The following NPY2R variants were observed in gnomAD, a reference collection of about 807,000 sequenced individuals.
The protein encoded by NPY2R is neuropeptide Y receptor Y2.
Under a neutral mutation model 22.3 loss-of-function variants are expected in NPY2R, and 17 were observed. The observed-to-expected ratio is 0.76, with a 90% CI of 0.52 to 1.14. NPY2R has a LOEUF of 1.14. Ranked by LOEUF, NPY2R falls within the 50% of genes most tolerant of loss-of-function variation. The pLI, the probability that NPY2R is intolerant of heterozygous loss-of-function variation, is 0.00. For synonymous variants in NPY2R, 209 were observed against 183.4 expected (o/e 1.14, Z -1.13); for missense variants, 424 against 467.9 (o/e 0.91, Z 0.87).
chr4:155,208,523 G>T (rs922601762), upstream of NPY2R: 1 of 152,614 alleles, frequency 6.6e-6, no homozygotes, highest in East Asian at 2.0e-4. This position sits in a 1 kb window ranked among gnomAD's most constrained non-coding sequence, Gnocchi z 5.6. Flanking sequence ...ATCAAACTTG[G>T]GGGTGGCACA....
In NPY2R at chr4:155,208,662, C is replaced by T. The variant is rs1729333082; in HGVS notation, c.-456C>T. The T allele has an allele frequency of 6.5e-6, 1 of 152,850 alleles. No homozygotes were observed. The allele number at this position is 152,850 out of a possible 1,614,324, so 9.5% of individuals were successfully genotyped here. On this transcript the variant is annotated 5_prime_UTR_variant, in exon 1 of 2. Coordinates refer to ENST00000329476, the MANE Select transcript of NPY2R (RefSeq NM_000910.4). This position sits in a 1 kb window ranked among gnomAD's most constrained non-coding sequence, Gnocchi z 5.6. ...AGAGACCCTGGACACTGTTCCTGCT[C>T]CCTCGCCACCAAAACTTCTCCTCCA...
At chr4:155,181,775 A>G in the NPY2R span, among the ~76,000 whole-genome samples, 1 of 152,176 alleles carries the variant, frequency 6.6e-6, no homozygotes, top group Non-Finnish European at 1.5e-5. Context: ...TACCCAGTTT[A>G]TGGCATTTTG....
the NPY2R span, among the ~76,000 whole-genome samples, chr4:155,202,246 G>A: frequency 6.6e-6 from 1 of 152,086 alleles, no homozygotes; most frequent in African/African-American, 2.4e-5. Flanking sequence ...CCTCCATAAA[G>A]CATTTCTCTA....
At chr4:155,190,029 C>G in the NPY2R span, among the ~76,000 whole-genome samples, 1 of 151,952 alleles carries the variant, frequency 6.6e-6, no homozygotes, top group Non-Finnish European at 1.5e-5. Context: ...TACATCAGGG[C>G]TAATGCTTAG....
the NPY2R span, among the ~76,000 whole-genome samples, chr4:155,180,117 G>A: frequency 1.4e-5 from 2 of 147,290 alleles, no homozygotes; most frequent in Admixed American, 6.9e-5. Flanking sequence ...ATGGGGTCTT[G>A]CCATGTTGTC....
At chr4:155,177,767 C>T in the NPY2R span, among the ~76,000 whole-genome samples, 1 of 152,096 alleles carries the variant, frequency 6.6e-6, no homozygotes. Flanking sequence ...AGAGTTAGCA[C>T]CACATGTATG....
At chr4:155,187,504 C>G in the NPY2R span, among the ~76,000 whole-genome samples, 1 of 151,856 alleles carries the variant, frequency 6.6e-6, no homozygotes, top group East Asian at 1.9e-4. Context: ...GATATAAAAC[C>G]TAGAGAAGTG....
At chr4:155,188,847 G>A in the NPY2R span, among the ~76,000 whole-genome samples, 4 of 152,110 alleles carry the variant, frequency 2.6e-5, no homozygotes, top group African/African-American at 7.2e-5. Flanking sequence ...GAGATATCCT[G>A]AAGTAGAAGA....
chr4:155,211,369 C>T (rs906473134), intron 1 of NPY2R, among the ~76,000 whole-genome samples: 4 of 151,822 alleles, frequency 2.6e-5, no homozygotes, highest in Non-Finnish European at 5.9e-5. Context: ...CAGTTTAAAA[C>T]GGGGAGGGCA....
upstream of NPY2R, among the ~76,000 whole-genome samples, chr4:155,206,292 T>C (rs1729283358): frequency 1.3e-5 from 2 of 152,238 alleles, no homozygotes; most frequent in South Asian, 4.1e-4. Context: ...CTATTTCAAT[T>C]TGGATTAATC....
chr4:155,212,161 G>T (rs1020461219), intron 1 of NPY2R, among the ~76,000 whole-genome samples: 1 of 152,142 alleles, frequency 6.6e-6, no homozygotes, highest in South Asian at 2.1e-4. Context: ...GGTGTTAGAT[G>T]CTATTAATTA....
At chr4:155,209,602 C>A (rs1254148984) in intron 1 of NPY2R, among the ~76,000 whole-genome samples, 1 of 152,132 alleles carries the variant, frequency 6.6e-6, no homozygotes, top group Non-Finnish European at 1.5e-5. Flanking sequence ...CTTCCCACAC[C>A]CTTTGGTGAA....
chr4:155,189,230 G>T, the NPY2R span, among the ~76,000 whole-genome samples: 2 of 151,902 alleles, frequency 1.3e-5, no homozygotes, highest in Non-Finnish European at 2.9e-5. Flanking sequence ...AATGCAACTA[G>T]CTGGCCTGGA....
the NPY2R span, among the ~76,000 whole-genome samples, chr4:155,197,125 A>G: frequency 1.3e-5 from 2 of 151,968 alleles, no homozygotes; most frequent in East Asian, 1.9e-4. Flanking sequence ...ACTTTTGTAT[A>G]TATTTACTCT....
At chr4:155,181,272 G>T in the NPY2R span, among the ~76,000 whole-genome samples, 2 of 152,226 alleles carry the variant, frequency 1.3e-5, no homozygotes, top group East Asian at 3.9e-4. Flanking sequence ...CTAAATGATT[G>T]TGGTACCCTC....
At position 155,214,824 on chromosome 4, in the gene NPY2R, C is replaced by A; in HGVS notation, c.885C>A (p.Ser295Arg). ...TCCAGCTTGCCGTTGACATTGACAGCCAGGTCCTGGACCTGAAGGAGTACA... is the reference window on the plus strand; with the variant it reads ...TCCAGCTTGCCGTTGACATTGACAGACAGGTCCTGGACCTGAAGGAGTACA... ...HAFQLAVDID[S>R]QVLDLKEYKL... Residue 295 changes from serine (S) to arginine (R), a missense_variant, in exon 2 of 2, where the codon AGC becomes AGA. Transcript: ENST00000329476. 6.2e-7 allele frequency: 1 copy of A among 1,611,370 alleles called. No individual in the cohort carries two copies. Among genetic ancestry groups the A allele is most frequent in the South Asian group, 1.1e-5 (1 of 90,840 alleles).
intron 1 of NPY2R, among the ~76,000 whole-genome samples, chr4:155,210,511 G>C (rs1252210505): frequency 2.0e-5 from 3 of 152,120 alleles, no homozygotes; most frequent in African/African-American, 7.2e-5. Context: ...TCTGTAAATG[G>C]CTAAATGGCT....
the NPY2R span, among the ~76,000 whole-genome samples, chr4:155,195,522 T>A: frequency 2.3e-4 from 35 of 152,040 alleles, no homozygotes; most frequent in Admixed American, 5.3e-4. Flanking sequence ...TTTTTAATAA[T>A]CTATTCCATA....
At chr4:155,198,546 T>C in the NPY2R span, among the ~76,000 whole-genome samples, 1 of 82,748 alleles carries the variant, frequency 1.2e-5, no homozygotes, top group African/African-American at 3.7e-5. Flanking sequence ...ATATCTTATA[T>C]AAATATAAAT....
Sources: gnomAD v4.1 joint callset for allele counts (sites outside exome capture counted in the v4.1 genomes callset) on GRCh38, gnomAD v4.1.1 for gene constraint, Gnocchi (gnomAD v3.1) non-coding constraint, MANE v1.5 for transcripts, NCBI Gene and HGNC (gene_info 2026-07-23, HGNC 2026-07-21) for gene names.